CBLN2: variants seen among roughly 807,000 people sequenced by gnomAD.
CBLN2 encodes the protein cerebellin-2.
Under a neutral mutation model 15.0 loss-of-function variants are expected in CBLN2, and 7 were observed. The ratio of observed to expected loss-of-function variants is 0.47; its 90% CI spans 0.27 to 0.88. The LOEUF (loss-of-function observed/expected upper bound fraction) is 0.88. Ranked by LOEUF, CBLN2 falls within the 40% of genes least tolerant of loss-of-function variation. The pLI is 0.14. For missense variants in CBLN2, 242 were observed against 304.5 expected (o/e 0.79, Z 1.53); for synonymous variants, 149 against 135.2 (o/e 1.10, Z -0.71).
chr18:72,601,029 G>A (rs1017587929), intron 1 of CBLN2, among the ~76,000 whole-genome samples: 7 of 152,152 alleles, frequency 4.6e-5, no homozygotes, highest in African/African-American at 1.4e-4. Context: ...GGGAAGTCAC[G>A]TATCTCGTGA....
intron 1 of CBLN2, among the ~76,000 whole-genome samples, chr18:72,583,690 G>T (rs1347047450): frequency 2.6e-5 from 4 of 152,080 alleles, no homozygotes; most frequent in Non-Finnish European, 5.9e-5. Flanking sequence ...AGAAACTCTT[G>T]TCTATAAAGC....
chr18:72,572,293 A>G (rs1001361492), intron 1 of CBLN2, among the ~76,000 whole-genome samples: 2 of 152,208 alleles, frequency 1.3e-5, no homozygotes, highest in Non-Finnish European at 2.9e-5. Flanking sequence ...GTTTTATGCA[A>G]AAACATGAAT....
chr18:72,557,849 C>A (rs1598997400), intron 1 of CBLN2, among the ~76,000 whole-genome samples: 2 of 152,144 alleles, frequency 1.3e-5, no homozygotes, highest in Non-Finnish European at 2.9e-5. Flanking sequence ...CAACAAGCCA[C>A]CACGGCACAT....
chr18:72,610,904 T>G (rs1296632853), intron 1 of CBLN2, among the ~76,000 whole-genome samples: 1 of 152,164 alleles, frequency 6.6e-6, no homozygotes, highest in African/African-American at 2.4e-5. Flanking sequence ...CCCTTCCACC[T>G]CTAGTAATCC....
chr18:72,567,388 C>T (rs958846817), intron 1 of CBLN2, among the ~76,000 whole-genome samples: 7 of 152,102 alleles, frequency 4.6e-5, no homozygotes, highest in African/African-American at 9.7e-5. Flanking sequence ...GGTTTGGAAG[C>T]TAGCATTCTG....
intron 1 of CBLN2, among the ~76,000 whole-genome samples, chr18:72,575,695 C>A (rs972253907): frequency 6.6e-6 from 1 of 152,100 alleles, no homozygotes; most frequent in Non-Finnish European, 1.5e-5. Flanking sequence ...TCTGGAGAGG[C>A]TGAGGATGCA....
intron 1 of CBLN2, among the ~76,000 whole-genome samples, chr18:72,633,952 A>G (rs1011454353): frequency 6.6e-6 from 1 of 152,142 alleles, no homozygotes; most frequent in Admixed American, 6.6e-5. Context: ...ACTCTTAAAG[A>G]GCAATCACAC....
chr18:72,612,559 G>A (rs2069629506), intron 1 of CBLN2, among the ~76,000 whole-genome samples: 1 of 151,816 alleles, frequency 6.6e-6, no homozygotes, highest in South Asian at 2.1e-4. Context: ...TATTTTCTGT[G>A]TTTTTCTGTA....
chr18:72,624,546 A>T (rs2069722296), intron 1 of CBLN2, among the ~76,000 whole-genome samples: 1 of 152,180 alleles, frequency 6.6e-6, no homozygotes, highest in Non-Finnish European at 1.5e-5. Flanking sequence ...AGGCTGAGGC[A>T]CAATAATTAC....
chr18:72,549,745 G>C (rs941259345), intron 1 of CBLN2, among the ~76,000 whole-genome samples: 1 of 152,136 alleles, frequency 6.6e-6, no homozygotes, highest in Non-Finnish European at 1.5e-5. Context: ...AGGAGAAATG[G>C]CTTTCTAAAG....
At chr18:72,593,419 T>C (rs2069493109) in intron 1 of CBLN2, among the ~76,000 whole-genome samples, 1 of 152,186 alleles carries the variant, frequency 6.6e-6, no homozygotes, top group Admixed American at 6.5e-5. Context: ...GTGAAATCTT[T>C]AGGTTTTTCC....
At chr18:72,632,453 G>A (rs2069783490) in intron 1 of CBLN2, among the ~76,000 whole-genome samples, 1 of 152,158 alleles carries the variant, frequency 6.6e-6, no homozygotes, top group Non-Finnish European at 1.5e-5. Flanking sequence ...ACTGATGGGT[G>A]TATGTATATG....
intron 3 of CBLN2, among the ~76,000 whole-genome samples, chr18:72,540,779 T>C (rs530747866): frequency 5.9e-5 from 9 of 152,144 alleles, no homozygotes; most frequent in Middle Eastern, 3.4e-3. Context: ...AGGTTTATGG[T>C]TATTAAGTTT....
intron 1 of CBLN2, among the ~76,000 whole-genome samples, chr18:72,583,179 T>C (rs1033537421): frequency 1.3e-5 from 2 of 152,192 alleles, no homozygotes; most frequent in African/African-American, 2.4e-5. Flanking sequence ...CAGGCAAGTT[T>C]CTCCTTAAAC....
chr18:72,543,243 A>G lies in CBLN2; in HGVS notation c.-167+243T>C, dbSNP rs1453363730. On this transcript the variant is annotated intron_variant, in intron 2 of 4. Transcript: ENST00000269503. The surrounding 1 kb of genome is among the most constrained non-coding windows in gnomAD (Gnocchi z 6.8). Reference sequence around the variant, plus strand: ...ACAGGCCATTTCAATACCAGCCCAGAGACACGCAGAGAAGCCGCCCCCTCG... The same window carrying G: ...ACAGGCCATTTCAATACCAGCCCAGGGACACGCAGAGAAGCCGCCCCCTCG... The G allele has an allele frequency of 1.1e-5, 4 of 349,968 alleles. No homozygotes were observed. The highest frequency in any genetic ancestry group is 8.4e-5 in the African/African-American group (4 of 47,414). 21.7% of individuals were successfully genotyped at this position (349,968 alleles called of 1,614,324 possible).
At chr18:72,589,143 T>A in intron 1 of CBLN2, among the ~76,000 whole-genome samples, 1 of 152,090 alleles carries the variant, frequency 6.6e-6, no homozygotes, top group East Asian at 1.9e-4. Context: ...TTGCGGCTGT[T>A]ACTGAAATCC....
chr18:72,597,407 T>A (rs2069519970), intron 1 of CBLN2, among the ~76,000 whole-genome samples: 1 of 152,242 alleles, frequency 6.6e-6, no homozygotes, highest in South Asian at 2.1e-4. Flanking sequence ...TCTCTCATTC[T>A]GTGCTTAGCT....
chr18:72,592,962 G>T (rs540024474), intron 1 of CBLN2, among the ~76,000 whole-genome samples: 2 of 152,080 alleles, frequency 1.3e-5, no homozygotes, highest in South Asian at 2.1e-4. Flanking sequence ...GGATGACTTT[G>T]TCTATTATGG....
chr18:72,628,511 C>T lies in CBLN2; in HGVS notation c.15+9814G>A, dbSNP rs544375455. Among the ~76,000 whole-genome samples the T allele has an allele frequency of 5.3e-5, 8 of 152,256 alleles. No homozygotes were observed. In the East Asian group the frequency reaches 5.8e-4, roughly 11 times the overall value. On this transcript the variant is annotated intron_variant, in intron 1 of 2. Coordinates refer to the CBLN2 transcript ENST00000581073. ...CCTGTCTGAATTGTCCAGCATTGGA[C>T]GGAGATGGCCCGGCCTTTATACTCC...
Sources: allele counts gnomAD v4.1 joint callset (sites outside exome capture counted in the v4.1 genomes callset), GRCh38; gene constraint gnomAD v4.1.1; non-coding constraint Gnocchi (gnomAD v3.1); transcripts MANE v1.5; gene names NCBI Gene and HGNC (gene_info 2026-07-23, HGNC 2026-07-21).